PRIM2: variants seen among roughly 807,000 people sequenced by gnomAD.
The protein encoded by PRIM2 is DNA primase large subunit.
PRIM2 carries 39 observed loss-of-function variants against 67.3 expected under a neutral mutation model. That is an observed-to-expected ratio of 0.58 (90% CI 0.45 to 0.76). The LOEUF is 0.76. Ranked by LOEUF, PRIM2 falls within the 30% of genes least tolerant of loss-of-function variation. The probability of loss-of-function intolerance (pLI) is 0.00; values close to 1 mark genes in which losing one functional copy is unlikely to be tolerated. For synonymous variants in PRIM2, 143 were observed against 198.7 expected (o/e 0.72, Z 2.36); for missense variants, 398 against 598.7 (o/e 0.66, Z 3.50).
chr6:57,497,171 T>C (rs1554346456), intron 7 of PRIM2, among the ~76,000 whole-genome samples: 1 of 152,154 alleles, frequency 6.6e-6, no homozygotes, highest in Non-Finnish European at 1.5e-5. Flanking sequence ...AAGATAACTA[T>C]ATGACATTAA....
At chr6:57,238,299 C>G in the PRIM2 span, among the ~76,000 whole-genome samples, 4 of 152,074 alleles carry the variant, frequency 2.6e-5, no homozygotes, top group African/African-American at 4.8e-5. Context: ...CCAAAATTGA[C>G]CACATAGTTG....
intron 5 of PRIM2, among the ~76,000 whole-genome samples, chr6:57,355,267 G>A (rs1768992577): frequency 6.8e-6 from 1 of 146,356 alleles, no homozygotes; most frequent in East Asian, 2.0e-4. Context: ...TTGCGCCACT[G>A]CACTCCAGCC....
the PRIM2 span, among the ~76,000 whole-genome samples, chr6:57,231,213 C>G: frequency 5.3e-5 from 8 of 152,326 alleles, no homozygotes; most frequent in Middle Eastern, 3.4e-3. Context: ...GATGGTCCAA[C>G]TTAATCCTCT....
chr6:57,605,913 T>A (rs1282762664), intron 11 of PRIM2, among the ~76,000 whole-genome samples: 4 of 152,234 alleles, frequency 2.6e-5, no homozygotes, highest in Non-Finnish European at 5.9e-5. Context: ...TAATTTACAT[T>A]TGAAAATGAT....
At chr6:57,580,923 A>T (rs1776071921) in intron 10 of PRIM2, among the ~76,000 whole-genome samples, 1 of 152,032 alleles carries the variant, frequency 6.6e-6, no homozygotes, top group East Asian at 1.9e-4. Flanking sequence ...TAAAGTGGCC[A>T]GATAATGAGT....
chr6:57,310,957 G>A (rs111661162), upstream of PRIM2, among the ~76,000 whole-genome samples: 20 of 143,126 alleles, frequency 1.4e-4, no homozygotes, highest in South Asian at 1.6e-3. Flanking sequence ...GGGCAGAGGC[G>A]CTCCCCACCT....
chr6:57,297,110 CA>C, the PRIM2 span, among the ~76,000 whole-genome samples: 1 of 151,866 alleles, frequency 6.6e-6, no homozygotes, highest in African/African-American at 2.4e-5. Flanking sequence ...TTTTTTTTAA[CA>C]GTAGAATTCT....
the PRIM2 span, among the ~76,000 whole-genome samples, chr6:57,282,025 C>T: frequency 6.6e-6 from 1 of 152,124 alleles, no homozygotes; most frequent in Non-Finnish European, 1.5e-5. Context: ...TGGCAAAGGT[C>T]ACCGTTAATG....
chr6:57,243,500 G>A, the PRIM2 span, among the ~76,000 whole-genome samples: 1 of 152,096 alleles, frequency 6.6e-6, no homozygotes, highest in Non-Finnish European at 1.5e-5. Context: ...ATGGAGCCTC[G>A]GTATGTTGCC....
intron 7 of PRIM2, among the ~76,000 whole-genome samples, chr6:57,479,581 T>C (rs1269488838): frequency 6.6e-6 from 1 of 152,218 alleles, no homozygotes; most frequent in East Asian, 1.9e-4. Context: ...AATGTTCTTA[T>C]TACTGTATTA....
At chr6:57,632,512 T>A (rs1665433557) in intron 13 of PRIM2, among the ~76,000 whole-genome samples, 1 of 151,926 alleles carries the variant, frequency 6.6e-6, no homozygotes, top group Non-Finnish European at 1.5e-5. Context: ...AGAGCCAGAG[T>A]GTAAAAATTG....
chr6:57,309,938 C>A (rs1297058986), upstream of PRIM2, among the ~76,000 whole-genome samples: 3 of 152,138 alleles, frequency 2.0e-5, no homozygotes, highest in Non-Finnish European at 1.5e-5. Context: ...ACAAAATTGA[C>A]AAATGGGATC....
intron 13 of PRIM2, among the ~76,000 whole-genome samples, chr6:57,642,752 A>T (rs1484691806): frequency 6.6e-6 from 1 of 152,156 alleles, no homozygotes; most frequent in Non-Finnish European, 1.5e-5. Context: ...CTTAAATATT[A>T]TATCTTAAAG....
chr6:57,485,636 AG>A (rs1256010351), intron 7 of PRIM2, among the ~76,000 whole-genome samples: 2 of 152,196 alleles, frequency 1.3e-5, no homozygotes, highest in African/African-American at 4.8e-5. Context: ...ATATGTTAGG[AG>A]TTCTTAGGTT....
rs10949024 is a variant in PRIM2 at position 57,366,120 on chromosome 6, G to T, written c.460-13781G>T. ...GCAGACAGGTATGTACCAGCATGGA[G>T]GTGGGAGTAACTATGCCTAAGGAAA... On this transcript the variant is annotated intron_variant, in intron 5 of 13. Transcript: ENST00000615550. 6.5e-4 allele frequency among the ~76,000 whole-genome samples: 99 copies of T among 152,250 alleles called. 1 individual carries two copies. In the East Asian group the frequency reaches 0.016, roughly 25 times the overall value.
the PRIM2 span, among the ~76,000 whole-genome samples, chr6:57,236,566 TC>T: frequency 6.6e-6 from 1 of 151,604 alleles, no homozygotes; most frequent in Admixed American, 6.6e-5. Context: ...CCCTCCCCTC[TC>T]CCCCCACCCC....
intron 3 of PRIM2, among the ~76,000 whole-genome samples, chr6:57,323,460 C>A (rs1015301099): frequency 6.6e-6 from 1 of 151,848 alleles, no homozygotes; most frequent in Admixed American, 6.6e-5. Flanking sequence ...GAAAATAGTG[C>A]GGTCCAAACT....
At chr6:57,231,170 T>C in the PRIM2 span, among the ~76,000 whole-genome samples, 3 of 152,236 alleles carry the variant, frequency 2.0e-5, no homozygotes, top group Non-Finnish European at 1.5e-5. Context: ...AGACTTTTCT[T>C]TGAGAAACAT....
chr6:57,297,974 C>A, the PRIM2 span, among the ~76,000 whole-genome samples: 1 of 152,142 alleles, frequency 6.6e-6, no homozygotes, highest in Non-Finnish European at 1.5e-5. Flanking sequence ...GGGACAATGT[C>A]TTTGGGGATA....
Sources: gnomAD v4.1 joint callset for allele counts (sites outside exome capture counted in the v4.1 genomes callset) on GRCh38, gnomAD v4.1.1 for gene constraint, MANE v1.5 for transcripts, NCBI Gene and HGNC (gene_info 2026-07-23, HGNC 2026-07-21) for gene names.